IFT74: variants seen among roughly 807,000 people sequenced by gnomAD.
IFT74 encodes the protein intraflagellar transport 74.
IFT74 carries 92 observed loss-of-function variants against 96.7 expected under a neutral mutation model. The observed-to-expected ratio is 0.95, with a 90% CI of 0.80 to 1.13. IFT74 has a LOEUF of 1.13. IFT74 is among the 50% of genes most tolerant of loss of function. IFT74 has a pLI of 0.00. For missense variants in IFT74, 811 were observed against 698.2 expected (o/e 1.16, Z -1.82); for synonymous variants, 223 against 213.2 (o/e 1.05, Z -0.40).
intron 12 of IFT74, among the ~76,000 whole-genome samples, chr9:27,022,242 A>G (rs948212229): frequency 6.6e-5 from 10 of 152,096 alleles, no homozygotes; most frequent in Non-Finnish European, 1.2e-4. Flanking sequence ...TAGTCCTTAT[A>G]GTGTAGTTTG....
intron 14 of IFT74, among the ~76,000 whole-genome samples, chr9:27,045,087 G>T (rs1819644746): frequency 1.3e-5 from 2 of 152,312 alleles, no homozygotes; most frequent in Middle Eastern, 3.4e-3. Flanking sequence ...CAATCCCCAG[G>T]CTGCAGACCG....
upstream of IFT74, chr9:26,956,405 G>C (rs1205895454): frequency 6.6e-6 from 1 of 152,282 alleles, no homozygotes; most frequent in African/African-American, 2.4e-5. Flanking sequence ...ACGCCGCGGC[G>C]CACGGCAGTT....
intron 8 of IFT74, among the ~76,000 whole-genome samples, chr9:27,003,622 T>G (rs1828620700): frequency 6.6e-6 from 1 of 152,222 alleles, no homozygotes; most frequent in Non-Finnish European, 1.5e-5. Context: ...GCTATTTTAG[T>G]GCTAGTCTGT....
intron 12 of IFT74, among the ~76,000 whole-genome samples, chr9:27,022,703 C>T (rs1365202872): frequency 4.7e-5 from 7 of 149,116 alleles, no homozygotes; most frequent in African/African-American, 9.9e-5. Flanking sequence ...TGTGTAGTGG[C>T]GCAATCTTGG....
chr9:27,027,572 G>A (rs1279121746), intron 12 of IFT74, among the ~76,000 whole-genome samples: 4 of 152,130 alleles, frequency 2.6e-5, no homozygotes, highest in Admixed American at 6.6e-5. Flanking sequence ...GGCTAATGAT[G>A]TTGAGGTTCC....
chr9:27,044,648 C>G, intron 13 of IFT74, 94 bp from the exon 14 acceptor site: 2 of 707,264 alleles, frequency 2.8e-6, no homozygotes, highest in East Asian at 2.6e-5. Context: ...TAGTCAATGA[C>G]TAATGGCATA....
intron 1 of IFT74, chr9:26,947,364 T>G (rs1825772592): frequency 3.3e-6 from 1 of 307,306 alleles, no homozygotes; most frequent in Non-Finnish European, 6.0e-6. Flanking sequence ...GACTCCCTGC[T>G]GAGCAAGAGA....
intron 1 of IFT74, among the ~76,000 whole-genome samples, chr9:26,957,123 C>G (rs1826145527): frequency 6.6e-6 from 1 of 152,160 alleles, no homozygotes; most frequent in Non-Finnish European, 1.5e-5. Flanking sequence ...CAGGCTGCCT[C>G]TCTGTGTGAA....
chr9:27,026,921 C>CA (rs1047811367), intron 12 of IFT74, among the ~76,000 whole-genome samples: 3 of 139,852 alleles, frequency 2.1e-5, no homozygotes, highest in Admixed American at 7.7e-5. Context: ...GGAACTAGAG[C>CA]AACAAGCACA....
intron 16 of IFT74, 22 bp from the exon 17 acceptor site, chr9:27,055,587 A>C (rs1680981749): frequency 1.3e-6 from 2 of 1,522,806 alleles, no homozygotes; most frequent in Non-Finnish European, 1.8e-6. Context: ...ATTAATTATC[A>C]CCTTAAATTC....
chr9:27,007,129 G>T (rs561011927), intron 8 of IFT74, among the ~76,000 whole-genome samples: 1 of 152,170 alleles, frequency 6.6e-6, no homozygotes, highest in African/African-American at 2.4e-5. Flanking sequence ...GAGCCACCAT[G>T]CCCAGCCTGT....
Position 27,051,757 on chromosome 9 carries a change from C to T in IFT74, c.1333+3483C>T, listed in dbSNP as rs534895718. 9.9e-5 allele frequency among the ~76,000 whole-genome samples: 15 copies of T among 152,192 alleles called. No individual in the cohort carries two copies. In the East Asian group the frequency reaches 2.7e-3, roughly 27 times the overall value. On this transcript the variant is annotated intron_variant, in intron 16 of 19. Coordinates refer to ENST00000380062, the MANE Select transcript of IFT74 (RefSeq NM_025103.4). Reference sequence around the variant, plus strand: ...CCATGTTGTAGCAAAGAAGGATTTTCTTTTTTAAGGTTGAAACATTCTATT... The same window carrying T: ...CCATGTTGTAGCAAAGAAGGATTTTTTTTTTTAAGGTTGAAACATTCTATT...
intron 2 of IFT74, among the ~76,000 whole-genome samples, chr9:26,964,383 G>T (rs1342245127): frequency 6.6e-6 from 1 of 150,532 alleles, no homozygotes; most frequent in Non-Finnish European, 1.5e-5. Context: ...AGTATAGTTT[G>T]AAGTCAGGTA....
At chr9:26,957,730 G>A (rs1826176966) in intron 1 of IFT74, among the ~76,000 whole-genome samples, 1 of 151,948 alleles carries the variant, frequency 6.6e-6, no homozygotes. Context: ...AGAAAAGTCA[G>A]AAAAGTAGTA....
chr9:27,055,245 A>G (rs1002780996), intron 16 of IFT74, among the ~76,000 whole-genome samples: 18 of 152,152 alleles, frequency 1.2e-4, no homozygotes, highest in African/African-American at 4.3e-4. Flanking sequence ...ATAATGTTTT[A>G]TAACTTGGTT....
At chr9:26,954,119 A>G (rs148649319), upstream of IFT74, among the ~76,000 whole-genome samples, 1,145 of 152,310 alleles carry the variant, frequency 7.5e-3, 12 homozygotes, top group African/African-American at 0.026. Context: ...ATGTGTCCCT[A>G]CTGTCAGGGT....
intron 13 of IFT74, among the ~76,000 whole-genome samples, chr9:27,038,001 A>G (rs184457656): frequency 6.6e-5 from 10 of 152,356 alleles, no homozygotes; most frequent in Admixed American, 2.6e-4. Flanking sequence ...TGATCGAGGC[A>G]TCAGCAAGTG....
chr9:26,955,787 A>G (rs905904335), upstream of IFT74: 1 of 151,904 alleles, frequency 6.6e-6, no homozygotes, highest in Non-Finnish European at 1.5e-5. Context: ...ACATACAGTA[A>G]AAGTTATTTT....
At chr9:26,955,246 T>A (rs1826042982), upstream of IFT74, among the ~76,000 whole-genome samples, 1 of 152,108 alleles carries the variant, frequency 6.6e-6, no homozygotes, top group Non-Finnish European at 1.5e-5. Context: ...AGCCTCTGAG[T>A]ACCTAACACT....
Sources: allele counts gnomAD v4.1 joint callset (sites outside exome capture counted in the v4.1 genomes callset), GRCh38; gene constraint gnomAD v4.1.1; transcripts MANE v1.5; gene names NCBI Gene and HGNC (gene_info 2026-07-23, HGNC 2026-07-21).